PEBP4: variants seen among roughly 807,000 people sequenced by gnomAD.
PEBP4 encodes the protein phosphatidylethanolamine binding protein 4, also known as phosphatidylethanolamine-binding protein 4.
PEBP4 carries 22 observed loss-of-function variants against 23.9 expected under a neutral mutation model. The ratio of observed to expected loss-of-function variants is 0.92; its 90% CI spans 0.66 to 1.31. PEBP4 has a LOEUF of 1.31. Among genes scored for constraint, PEBP4 ranks in the 40% most tolerant of loss-of-function variants. The probability of loss-of-function intolerance (pLI) is 0.00; values close to 1 mark genes in which losing one functional copy is unlikely to be tolerated. For synonymous variants in PEBP4, 112 were observed against 99.3 expected (o/e 1.13, Z -0.76); for missense variants, 324 against 281.7 (o/e 1.15, Z -1.07).
At chr8:22,924,647 A>C in intron 2 of PEBP4, 1 of 985,178 alleles carries the variant, frequency 1.0e-6, no homozygotes, top group Non-Finnish European at 1.2e-6. Context: ...ACCAAAAAGC[A>C]GGACGCTTTG....
intron 3 of PEBP4, among the ~76,000 whole-genome samples, chr8:22,820,694 A>G (rs1190595685): frequency 6.6e-6 from 1 of 152,230 alleles, no homozygotes; most frequent in Non-Finnish European, 1.5e-5. Context: ...CTCTCTAGGT[A>G]CTTGGTAAGG....
chr8:22,813,038 A>C (rs1806665415), intron 4 of PEBP4, among the ~76,000 whole-genome samples: 1 of 152,186 alleles, frequency 6.6e-6, no homozygotes, highest in Admixed American at 6.5e-5. Flanking sequence ...TACCCACATA[A>C]CTAGAAAGCA....
At chr8:22,856,294 C>G (rs57007609) in intron 3 of PEBP4, among the ~76,000 whole-genome samples, 2,193 of 152,208 alleles carry the variant, frequency 0.014, 52 homozygotes, top group African/African-American at 0.05. Flanking sequence ...AATTAGGGTA[C>G]TATTTTTTAC....
chr8:22,916,258 A>G (rs1021120415), intron 3 of PEBP4, among the ~76,000 whole-genome samples: 2 of 152,226 alleles, frequency 1.3e-5, no homozygotes, highest in African/African-American at 4.8e-5. Flanking sequence ...GCCCCCAGTC[A>G]AGAAGCTTCT....
intron 3 of PEBP4, among the ~76,000 whole-genome samples, chr8:22,863,051 C>T (rs557253306): frequency 5.3e-5 from 8 of 152,204 alleles, no homozygotes; most frequent in Non-Finnish European, 8.8e-5. Context: ...CTGCCTGCCT[C>T]GGCCTCCCAA....
chr8:22,821,178 C>T (rs1806849876), intron 3 of PEBP4, among the ~76,000 whole-genome samples: 1 of 152,100 alleles, frequency 6.6e-6, no homozygotes, highest in African/African-American at 2.4e-5. Context: ...CAGAGTGAGA[C>T]CCTGTCTCAA....
At chr8:22,871,908 T>C (rs1179450317) in intron 3 of PEBP4, among the ~76,000 whole-genome samples, 3 of 152,136 alleles carry the variant, frequency 2.0e-5, no homozygotes, top group Admixed American at 2.0e-4. Flanking sequence ...GTACCCAGTA[T>C]GTAGTCTTTT....
At chr8:22,889,802 AT>A (rs1808456236) in intron 3 of PEBP4, among the ~76,000 whole-genome samples, 1 of 152,260 alleles carries the variant, frequency 6.6e-6, no homozygotes, top group Non-Finnish European at 1.5e-5. Context: ...ATAAAGCAGA[AT>A]CATGTAATAC....
chr8:22,782,401 G>A (rs1048939726), intron 4 of PEBP4, among the ~76,000 whole-genome samples: 1 of 152,154 alleles, frequency 6.6e-6, no homozygotes, highest in African/African-American at 2.4e-5. Flanking sequence ...GCTAAGCATG[G>A]TTCAAGTCCT....
intron 3 of PEBP4, among the ~76,000 whole-genome samples, chr8:22,918,154 A>C (rs1245300604): frequency 1.3e-5 from 2 of 152,242 alleles, no homozygotes; most frequent in African/African-American, 4.8e-5. Context: ...CCAGGAATGG[A>C]ATAAGGTGGC....
intron 6 of PEBP4, among the ~76,000 whole-genome samples, chr8:22,718,630 GC>G (rs1804458591): frequency 6.6e-6 from 1 of 152,126 alleles, no homozygotes; most frequent in Non-Finnish European, 1.5e-5. Flanking sequence ...GGTGGGTGGG[GC>G]CCTTTGGAGG....
At chr8:22,882,376 G>A (rs920997971) in intron 3 of PEBP4, among the ~76,000 whole-genome samples, 18 of 152,306 alleles carry the variant, frequency 1.2e-4, no homozygotes, top group African/African-American at 3.1e-4. Flanking sequence ...AGAGGGGGGC[G>A]GAGCCAGCAG....
chr8:22,848,359 T>C (rs986967217), intron 3 of PEBP4, among the ~76,000 whole-genome samples: 1 of 150,134 alleles, frequency 6.7e-6, no homozygotes, highest in African/African-American at 2.5e-5. Context: ...CTGCCGAGAG[T>C]GGAGTATGGG....
At chr8:22,932,462 C>A (rs538430730), upstream of PEBP4, among the ~76,000 whole-genome samples, 138 of 152,170 alleles carry the variant, frequency 9.1e-4, no homozygotes, top group African/African-American at 3.1e-3. Flanking sequence ...CTGGGGATGT[C>A]AGCAAAATGG....
rs1390067541 is a variant in PEBP4, at chr8:22,724,921, AG to A, written c.438del (p.Phe147SerfsTer35). On this transcript the variant is annotated frameshift_variant, in exon 6 of 7. Coordinates refer to ENST00000256404, the MANE Select transcript of PEBP4 (RefSeq NM_144962.3). LOFTEE classifies it high-confidence loss of function. ...YQAPSPPAHS[G>X]FHRYQFFVYL... ...TAGACAAAGAACTGGTAGCGATGGA[AG>A]CCACTGTGTGCCGGTGGGGAGGGAG... The A allele has an allele frequency of 1.2e-6, 2 of 1,614,142 alleles. No individual in the cohort carries two copies.
chr8:22,931,669 CG>C (rs1398775132), upstream of PEBP4, among the ~76,000 whole-genome samples: 1 of 152,080 alleles, frequency 6.6e-6, no homozygotes, highest in Non-Finnish European at 1.5e-5. Flanking sequence ...CTGCTGCCTC[CG>C]CCTCCTAGGT....
intron 4 of PEBP4, among the ~76,000 whole-genome samples, chr8:22,786,791 C>G (rs1202552977): frequency 1.3e-5 from 2 of 151,430 alleles, no homozygotes; most frequent in Admixed American, 6.6e-5. Context: ...TCCAGGGAAT[C>G]CTATGCAGGA....
chr8:22,789,866 CT>C (rs1366684751), intron 4 of PEBP4, among the ~76,000 whole-genome samples: 1 of 152,262 alleles, frequency 6.6e-6, no homozygotes, highest in Admixed American at 6.5e-5. Context: ...AGTTCAACAT[CT>C]TCGGGGACAG....
chr8:22,871,054 C>A (rs963306525), intron 3 of PEBP4, among the ~76,000 whole-genome samples: 4 of 152,108 alleles, frequency 2.6e-5, no homozygotes, highest in African/African-American at 4.8e-5. Flanking sequence ...TACGCCTGAC[C>A]CCCAATCCCA....
Sources: allele counts gnomAD v4.1 joint callset (sites outside exome capture counted in the v4.1 genomes callset), GRCh38; gene constraint gnomAD v4.1.1; transcripts MANE v1.5; gene names NCBI Gene and HGNC (gene_info 2026-07-23, HGNC 2026-07-21).